NRXN1: variants seen among roughly 807,000 people sequenced by gnomAD.
NRXN1 encodes the protein neurexin-1.
A neutral mutation model predicts 150.9 loss-of-function variants in NRXN1; 39 were observed. The observed-to-expected ratio is 0.26, with a 90% confidence interval of 0.20 to 0.34. The LOEUF is 0.34. NRXN1 is among the 10% of genes least tolerant of loss of function. The pLI is 1.00. For synonymous variants in NRXN1, 924 were observed against 757.0 expected, an observed-to-expected ratio of 1.22 and a Z score of -3.62; for missense variants, 1,815 against 1,949.9, an observed-to-expected ratio of 0.93 and a Z score of 1.30.
chr2:49,937,913 GA>G (rs1358550663), intron 22 of NRXN1, among the ~76,000 whole-genome samples: 1 of 152,128 alleles, frequency 6.6e-6, no homozygotes, highest in African/African-American at 2.4e-5. Context: ...CTTATTTAAT[GA>G]AAAGGTGCAC....
In NRXN1 at chr2:50,883,026, A is replaced by G. The variant is rs948849126; in HGVS notation, c.832+38843T>C. On this transcript the variant is annotated intron_variant, in intron 5 of 22. Transcript: ENST00000401669. ...GAATGTTAACACAAAATAAATGTCC[A>G]TAAAATTATTTTTTAAATTGTAATA... is the stretch of plus-strand genomic sequence containing the variant. 1.3e-5 allele frequency among the ~76,000 whole-genome samples: 2 copies of G among 152,030 alleles called. 1 individual carries two copies. The highest frequency in any genetic ancestry group is 2.9e-5 in the Non-Finnish European group (2 of 67,888).
rs1033194979 is a variant in NRXN1 at position 50,608,951 on chromosome 2, TA to T, written c.1320+11070del. On this transcript the variant is annotated intron_variant, in intron 8 of 22. Transcript: ENST00000401669. ...AGTTCCTTTACAAGGTACCCATATT[TA>T]AAAAAAAATCCAGTTTCTTATTTAT... Among the ~76,000 whole-genome samples, 14 of 151,790 alleles carry T rather than the reference TA, an allele frequency of 9.2e-5. No individual in the cohort carries two copies. The South Asian group carries it at 1.9e-3, about 20-fold the overall frequency.
intron 21 of NRXN1, chr2:49,969,721 G>A (rs1025074284): frequency 2.6e-5 from 4 of 152,030 alleles, no homozygotes; most frequent in Admixed American, 6.6e-5. Flanking sequence ...GAGATCAGAT[G>A]AGAATGGGTG....
chr2:50,223,544 T>C (rs908835575), intron 18 of NRXN1, among the ~76,000 whole-genome samples: 1 of 151,960 alleles, frequency 6.6e-6, no homozygotes, highest in African/African-American at 2.4e-5. Flanking sequence ...CTGTCTAACC[T>C]TACTCTGCGT....
intron 19 of NRXN1, among the ~76,000 whole-genome samples, chr2:50,080,577 C>G (rs987830765): frequency 5.9e-5 from 9 of 152,120 alleles, no homozygotes; most frequent in African/African-American, 2.2e-4. Flanking sequence ...AAATGAAACT[C>G]TGAAACCATG....
At chr2:50,494,850 C>T (rs566974722) in intron 15 of NRXN1, among the ~76,000 whole-genome samples, 6 of 151,758 alleles carry the variant, frequency 4.0e-5, no homozygotes, top group South Asian at 4.2e-4. Context: ...CTGACCAACA[C>T]GGCAAAAACC....
At chr2:50,574,230 G>A (rs779389343) in intron 8 of NRXN1, among the ~76,000 whole-genome samples, 2 of 151,930 alleles carry the variant, frequency 1.3e-5, no homozygotes, top group Non-Finnish European at 2.9e-5. Flanking sequence ...AGCCCCAAAT[G>A]CCATCTAACC....
intron 5 of NRXN1, among the ~76,000 whole-genome samples, chr2:50,764,679 C>T (rs960515849): frequency 3.3e-5 from 5 of 151,886 alleles, no homozygotes; most frequent in Admixed American, 1.3e-4. Flanking sequence ...ATAGAGCACA[C>T]GTGCACAGAC....
chr2:50,747,432 G>T (rs1388358987), intron 5 of NRXN1, among the ~76,000 whole-genome samples: 2 of 152,046 alleles, frequency 1.3e-5, no homozygotes, highest in Non-Finnish European at 2.9e-5. Flanking sequence ...CTCCCCATTT[G>T]CTTAATTTTC....
intron 18 of NRXN1, among the ~76,000 whole-genome samples, chr2:50,135,821 C>T (rs934301745): frequency 1.3e-5 from 2 of 152,130 alleles, no homozygotes; most frequent in African/African-American, 4.8e-5. Context: ...GAGAAGGATT[C>T]GCTAATTGGT....
chr2:50,700,961 C>T (rs1483970051), intron 5 of NRXN1, among the ~76,000 whole-genome samples: 5 of 152,000 alleles, frequency 3.3e-5, no homozygotes, highest in African/African-American at 1.2e-4. Context: ...CAACTGCGCC[C>T]GGCCAGGGAT....
chr2:50,385,466 CA>C (rs1374189320), intron 17 of NRXN1, among the ~76,000 whole-genome samples: 2 of 152,206 alleles, frequency 1.3e-5, no homozygotes, highest in Non-Finnish European at 2.9e-5. Context: ...GTGACTTCTA[CA>C]TTAAGCTAAT....
intron 18 of NRXN1, among the ~76,000 whole-genome samples, chr2:50,135,626 G>C (rs1023006311): frequency 7.2e-5 from 11 of 152,176 alleles, no homozygotes; most frequent in African/African-American, 2.7e-4. Flanking sequence ...GGGAGTCAGA[G>C]CTTGCAGTGA....
Position 50,404,154 on chromosome 2 carries a change from G to GT in NRXN1, c.3364+61287dup, listed in dbSNP as rs35933407. Among the ~76,000 whole-genome samples the GT allele has an allele frequency of 7.6e-4, 114 of 149,116 alleles. 1 individual carries two copies. Among genetic ancestry groups the GT allele is most frequent in the Middle Eastern group, 3.4e-3 (1 of 292 alleles). On this transcript the variant is annotated intron_variant, in intron 17 of 22. Coordinates refer to ENST00000401669, the MANE Select transcript of NRXN1 (RefSeq NM_001330078.2). Reference sequence around the variant, plus strand: ...TCTTCCTTTAGGAATATTTTGTTTAGTTTTTTTTTGTTTGTTTTGTTTTGT... The same window carrying GT: ...TCTTCCTTTAGGAATATTTTGTTTAGTTTTTTTTTTGTTTGTTTTGTTTTGT...
At position 49,924,445 on chromosome 2, in the gene NRXN1, CTATCT is replaced by C. The variant is rs533781654; in HGVS notation, c.4217-2199_4217-2195del. 3.1e-3 allele frequency among the ~76,000 whole-genome samples: 465 copies of C among 152,058 alleles called. 1 individual carries two copies. Among genetic ancestry groups the C allele is most frequent in the Non-Finnish European group, 3.8e-3 (259 of 67,976 alleles). Reference sequence around the variant, plus strand: ...ATAAGGAATTGATATCGTAAATGGACTATCTTATCAAAAAAATTTTATTTTTATCT... The same window carrying C: ...ATAAGGAATTGATATCGTAAATGGACTATCAAAAAAATTTTATTTTTATCT... On this transcript the variant is annotated intron_variant, in intron 22 of 22. Coordinates refer to ENST00000401669, the MANE Select transcript of NRXN1 (RefSeq NM_001330078.2).
At chr2:50,064,765 T>C (rs1263218857) in intron 19 of NRXN1, among the ~76,000 whole-genome samples, 1 of 152,164 alleles carries the variant, frequency 6.6e-6, no homozygotes, top group African/African-American at 2.4e-5. Flanking sequence ...ATCAATGCCT[T>C]GTAAAGAAAG....
At chr2:50,560,040 C>T (rs986295183) in intron 8 of NRXN1, among the ~76,000 whole-genome samples, 3 of 152,144 alleles carry the variant, frequency 2.0e-5, no homozygotes, top group Non-Finnish European at 4.4e-5. Flanking sequence ...GTTCCTGCCA[C>T]CATGAGGAGA....
chr2:50,807,921 A>C (rs553765465), intron 5 of NRXN1, among the ~76,000 whole-genome samples: 1 of 152,280 alleles, frequency 6.6e-6, no homozygotes, highest in East Asian at 1.9e-4. Flanking sequence ...TGCCAAACTT[A>C]CTAGGTCTGT....
intron 5 of NRXN1, among the ~76,000 whole-genome samples, chr2:50,784,864 C>T (rs1347353959): frequency 6.6e-6 from 1 of 152,004 alleles, no homozygotes; most frequent in African/African-American, 2.4e-5. Flanking sequence ...ACAATGAGAT[C>T]CTCTCTCCAG....
Sources: gnomAD v4.1 joint callset for allele counts (sites outside exome capture counted in the v4.1 genomes callset) on GRCh38, gnomAD v4.1.1 for gene constraint, MANE v1.5 for transcripts, NCBI Gene and HGNC (gene_info 2026-07-23, HGNC 2026-07-21) for gene names.